CTDSPL: variants seen among roughly 807,000 people sequenced by gnomAD.
CTDSPL encodes CTD small phosphatase like.
Under a neutral mutation model 30.5 loss-of-function variants are expected in CTDSPL, and 8 were observed. That is an observed-to-expected ratio of 0.26 (90% confidence interval 0.15 to 0.47). The LOEUF (loss-of-function observed/expected upper bound fraction) is 0.47, where lower values mean the gene tolerates loss of function less well. Ranked by LOEUF, CTDSPL falls within the 20% of genes least tolerant of loss-of-function variation. CTDSPL has a pLI of 0.99. For missense variants in CTDSPL, 248 were observed against 366.1 expected, an observed-to-expected ratio of 0.68 and a Z score of 2.63; for synonymous variants, 110 against 137.9, an observed-to-expected ratio of 0.80 and a Z score of 1.42.
rs376915710 is a variant in CTDSPL, at chr3:37,882,620, AAATAAT to A, written c.79+20355_79+20360del. On this transcript the variant is annotated intron_variant, in intron 1 of 7. Coordinates refer to ENST00000273179, the MANE Select transcript of CTDSPL (RefSeq NM_001008392.2). ...TGACAGAGGAAGACTCCGTCTCAAA[AAATAAT>A]AATAATAATAATCCTGGACTCTAGC... 8.5e-3 allele frequency among the ~76,000 whole-genome samples: 1,285 copies of A among 152,070 alleles called. 26 individuals carry two copies. The highest frequency in any genetic ancestry group is 0.051 in the Admixed American group (781 of 15,264).
At chr3:37,870,342 A>G (rs1431715063) in intron 1 of CTDSPL, among the ~76,000 whole-genome samples, 2 of 152,098 alleles carry the variant, frequency 1.3e-5, no homozygotes, top group East Asian at 1.9e-4. Flanking sequence ...ATTTGTGTGT[A>G]TAGAGCTATT....
chr3:37,925,257 T>C (rs1339366252), intron 1 of CTDSPL, among the ~76,000 whole-genome samples: 5 of 152,192 alleles, frequency 3.3e-5, no homozygotes, highest in Non-Finnish European at 7.3e-5. Flanking sequence ...CAATGTCTAG[T>C]GCAAAGGAGG....
intron 3 of CTDSPL, among the ~76,000 whole-genome samples, chr3:37,957,714 G>A (rs556137482): frequency 1.3e-5 from 2 of 152,232 alleles, no homozygotes; most frequent in South Asian, 2.1e-4. Flanking sequence ...CCAGCTGGGC[G>A]CTCCCTGAGG....
intron 3 of CTDSPL, among the ~76,000 whole-genome samples, chr3:37,958,150 G>C (rs1271970697): frequency 6.6e-6 from 1 of 152,190 alleles, no homozygotes; most frequent in Non-Finnish European, 1.5e-5. Flanking sequence ...CACGTGTGCA[G>C]GTTGACTCCA....
intron 1 of CTDSPL, among the ~76,000 whole-genome samples, chr3:37,877,718 G>A (rs181323901): frequency 2.1e-4 from 30 of 142,728 alleles, no homozygotes; most frequent in African/African-American, 5.7e-4. Context: ...GTGGTTCTGC[G>A]GGCAGTACAG....
At position 37,982,540 on chromosome 3, in the gene CTDSPL, T is replaced by C. The variant is rs1186735042; in HGVS notation, c.*1673T>C. The C allele has an allele frequency of 2.2e-6, 1 of 456,738 alleles. No homozygotes were observed. The highest frequency in any genetic ancestry group is 4.4e-6 in the Non-Finnish European group (1 of 226,984). The allele number at this position is 456,738 out of a possible 1,614,324, so 28.3% of individuals were successfully genotyped here. Reference sequence around the variant, plus strand: ...GGAAATCGGGGGTCAAAGTAAAATATCTTTGTTTTGCTTTCATTCACAAAG... The same window carrying C: ...GGAAATCGGGGGTCAAAGTAAAATACCTTTGTTTTGCTTTCATTCACAAAG... On this transcript the variant is annotated 3_prime_UTR_variant, in exon 8 of 8. Coordinates refer to ENST00000273179, the MANE Select transcript of CTDSPL (RefSeq NM_001008392.2).
chr3:37,947,100 C>A lies in CTDSPL; in HGVS notation c.123C>A (p.Ser41Arg). The A allele has an allele frequency of 6.2e-7, 1 of 1,613,964 alleles. No homozygotes were observed. Among genetic ancestry groups the A allele is most frequent in the Non-Finnish European group, 8.5e-7 (1 of 1,180,010 alleles). The change falls in exon 2 of 8, where the codon AGC becomes AGA. Residue 41 changes from serine (S) to arginine (R), a missense_variant. Ser to Arg is a moderately radical substitution (Grantham distance 110). This residue lies in a region of CTDSPL where 118 missense variants were observed against 124.7 expected (regional missense o/e 0.95). Coordinates refer to ENST00000273179, the MANE Select transcript of CTDSPL (RefSeq NM_001008392.2). ...NVSLKKQRSR[S>R]ILSSFFCCFR... ...GCTTAAAGAAGCAGAGGAGCCGCAG[C>A]ATCCTTAGCTCCTTCTTCTGCTGCT...
chr3:37,950,268 A>G (rs923494714), intron 2 of CTDSPL, among the ~76,000 whole-genome samples: 2 of 152,212 alleles, frequency 1.3e-5, no homozygotes, highest in Admixed American at 6.5e-5. Context: ...ACTGACCTGC[A>G]CAGACACTAA....
At position 37,957,138 on chromosome 3, in the gene CTDSPL, C is replaced by A; in HGVS notation, c.262C>A (p.Pro88Thr). ...TGACCAGAGGCAGGTCATTCCCATA[C>A]CAAGTGTATGTATATTTATCTAATT... ...KGDQRQVIPI[P>T]SPPAKYLLPE... The change falls in exon 3 of 8, where the codon CCA becomes ACA. Residue 88 changes from proline (P) to threonine (T), a missense_variant. Pro to Thr is a conservative substitution (Grantham distance 38). Coordinates refer to ENST00000273179, the MANE Select transcript of CTDSPL (RefSeq NM_001008392.2). 1 of 1,590,546 alleles carries A rather than the reference C, an allele frequency of 6.3e-7. No individual in the cohort carries two copies. Among genetic ancestry groups the A allele is most frequent in the Non-Finnish European group, 8.6e-7 (1 of 1,164,498 alleles).
chr3:37,864,749 C>A (rs943047831), intron 1 of CTDSPL, among the ~76,000 whole-genome samples: 8 of 151,422 alleles, frequency 5.3e-5, no homozygotes, highest in Admixed American at 2.0e-4. Context: ...CATAATTTTA[C>A]ATTATGTAAA....
intron 2 of CTDSPL, among the ~76,000 whole-genome samples, chr3:37,951,076 G>A (rs1170039947): frequency 2.0e-5 from 3 of 152,288 alleles, no homozygotes; most frequent in South Asian, 2.1e-4. Context: ...TATTAAAAAT[G>A]TTAGAAATGG....
chr3:37,866,677 T>C (rs1445139237), intron 1 of CTDSPL, among the ~76,000 whole-genome samples: 3 of 152,204 alleles, frequency 2.0e-5, no homozygotes, highest in African/African-American at 7.2e-5. Context: ...TATGTGTCCT[T>C]GATGAGATTT....
intron 4 of CTDSPL, among the ~76,000 whole-genome samples, chr3:37,966,403 C>T (rs773276032): frequency 6.6e-6 from 1 of 152,184 alleles, no homozygotes; most frequent in Non-Finnish European, 1.5e-5. Flanking sequence ...GTGAAGAACC[C>T]TAGCTGTAGC....
intron 1 of CTDSPL, among the ~76,000 whole-genome samples, chr3:37,909,586 G>A (rs1203447805): frequency 6.6e-6 from 1 of 152,220 alleles, no homozygotes; most frequent in African/African-American, 2.4e-5. Flanking sequence ...GGCATATCTG[G>A]TAACCAACTT....
chr3:37,906,016 A>G (rs1040674896), intron 1 of CTDSPL, among the ~76,000 whole-genome samples: 4 of 152,178 alleles, frequency 2.6e-5, no homozygotes, highest in African/African-American at 9.7e-5. Flanking sequence ...TTTCCCCTGC[A>G]GAGGCGCAGT....
chr3:37,911,016 T>G (rs1296621349), intron 1 of CTDSPL, among the ~76,000 whole-genome samples: 2 of 152,226 alleles, frequency 1.3e-5, no homozygotes, highest in African/African-American at 4.8e-5. Context: ...TGCTGGAGGA[T>G]GTTGTCCTGT....
intron 1 of CTDSPL, among the ~76,000 whole-genome samples, chr3:37,899,483 C>T (rs1401317713): frequency 6.6e-6 from 1 of 152,192 alleles, no homozygotes; most frequent in African/African-American, 2.4e-5. Flanking sequence ...GAATTACGAC[C>T]ATCCTGTGGG....
rs9832197 is a variant in CTDSPL, at chr3:37,914,220, C to A, written c.80-32837C>A. Among the ~76,000 whole-genome samples, 536 of 151,800 alleles carry A rather than the reference C, an allele frequency of 3.5e-3. 2 individuals are homozygous for A. The highest frequency in any genetic ancestry group is 0.013 in the African/African-American group (523 of 41,390). ...TGTAAATTGCAACTGAAAATTTTTC[C>A]TTTTCCAAATGTTTATTATATTTTC... is the stretch of plus-strand genomic sequence containing the variant. On this transcript the variant is annotated intron_variant, in intron 1 of 7. Coordinates refer to ENST00000273179, the MANE Select transcript of CTDSPL (RefSeq NM_001008392.2).
intron 1 of CTDSPL, among the ~76,000 whole-genome samples, chr3:37,881,194 GTATA>G (rs778179367): frequency 2.0e-5 from 3 of 151,922 alleles, no homozygotes; most frequent in Non-Finnish European, 4.4e-5. Flanking sequence ...TTCTCTTTAG[GTATA>G]TACTCTTTTG....
Sources: gnomAD v4.1 joint callset for allele counts (sites outside exome capture counted in the v4.1 genomes callset) on GRCh38, gnomAD v4.1.1 for gene constraint, gnomAD v4.1.1 regional missense constraint, MANE v1.5 for transcripts, NCBI Gene and HGNC (gene_info 2026-07-23, HGNC 2026-07-21) for gene names.